Variants in PCDHGA3 observed in about 807,000 individuals in gnomAD.
The protein encoded by PCDHGA3 is protocadherin gamma-A3.
Under a neutral mutation model 58.5 loss-of-function variants are expected in PCDHGA3, and 40 were observed. The observed-to-expected ratio is 0.68, with a 90% CI of 0.53 to 0.89. The LOEUF (loss-of-function observed/expected upper bound fraction) is 0.89, where lower values mean the gene tolerates loss of function less well. Among genes scored for constraint, PCDHGA3 ranks in the 40% least tolerant of loss-of-function variants. PCDHGA3 has a pLI of 0.00. For missense variants in PCDHGA3, 1,223 were observed against 1,195.9 expected, an observed-to-expected ratio of 1.02 and a Z score of -0.33; for synonymous variants, 530 against 525.7, an observed-to-expected ratio of 1.01 and a Z score of -0.11.
chr5:141,360,621 TG>T (rs1307338533), intron 1 of PCDHGA3: 1 of 1,613,908 alleles, frequency 6.2e-7, no homozygotes, highest in Non-Finnish European at 8.5e-7. Flanking sequence ...ATTCAGATGT[TG>T]GTCCTAACTC....
At chr5:141,377,717 T>C (rs1025721438) in intron 1 of PCDHGA3, 1 of 152,222 alleles carries the variant, frequency 6.6e-6, no homozygotes, top group African/African-American at 2.4e-5. Context: ...AAATTATTTT[T>C]GAAAAGATAA....
intron 1 of PCDHGA3, chr5:141,398,688 T>C: frequency 1.2e-6 from 2 of 1,613,938 alleles, no homozygotes; most frequent in South Asian, 2.2e-5. Flanking sequence ...AGAAACAGGA[T>C]GGTAGTAAAT....
rs2099637746 is a variant in PCDHGA3, at chr5:141,486,980, A to G, written c.2425-7827A>G. Reference sequence around the variant, plus strand: ...TGCTGTGGACTTGGATTCAGGTTACAATGCTTGGGTTTCCTATCAGCTCCT... The same window carrying G: ...TGCTGTGGACTTGGATTCAGGTTACGATGCTTGGGTTTCCTATCAGCTCCT... On this transcript the variant is annotated intron_variant, in intron 1 of 3. Coordinates refer to ENST00000253812, the MANE Select transcript of PCDHGA3 (RefSeq NM_018916.4). This position sits in a 1 kb window ranked among gnomAD's most constrained non-coding sequence, Gnocchi z 5.0. The G allele has an allele frequency of 1.2e-6, 2 of 1,614,040 alleles. No individual in the cohort carries two copies. The highest frequency in any genetic ancestry group is 1.3e-5 in the African/African-American group (1 of 74,908).
intron 1 of PCDHGA3, chr5:141,433,023 A>C: frequency 6.2e-7 from 1 of 1,614,084 alleles, no homozygotes; most frequent in East Asian, 2.2e-5. Context: ...ACCTATTCCC[A>C]CGAGGTTTCC....
At chr5:141,452,831 G>A (rs1184490491) in intron 1 of PCDHGA3, among the ~76,000 whole-genome samples, 1 of 152,104 alleles carries the variant, frequency 6.6e-6, no homozygotes, top group Non-Finnish European at 1.5e-5. Flanking sequence ...AAAATCACTT[G>A]GTCCAGCCCA....
At chr5:141,410,006 G>T (rs1201569227) in intron 1 of PCDHGA3, 8 of 1,613,274 alleles carry the variant, frequency 5.0e-6, no homozygotes, top group Non-Finnish European at 5.1e-6. Context: ...GGGACACAAC[G>T]CCTGGCTGTC....
chr5:141,490,132 A>G lies in PCDHGA3; in HGVS notation c.2425-4675A>G, dbSNP rs1245562757. The G allele has an allele frequency of 3.7e-6, 6 of 1,614,102 alleles. No homozygotes were observed. In the African/African-American group the frequency reaches 4.0e-5, roughly 11 times the overall value. ...GCGGAACCTCTTTGGCCTAGACCCTAGCAGTGGGGCAATCCATGTGTTGGG... is the reference window on the plus strand; with the variant it reads ...GCGGAACCTCTTTGGCCTAGACCCTGGCAGTGGGGCAATCCATGTGTTGGG... On this transcript the variant is annotated intron_variant, in intron 1 of 3. Coordinates refer to ENST00000253812, the MANE Select transcript of PCDHGA3 (RefSeq NM_018916.4). The surrounding 1 kb of genome is among the most constrained non-coding windows in gnomAD (Gnocchi z 5.4).
At chr5:141,400,776 G>GT (rs1167512157) in intron 1 of PCDHGA3, 4 of 557,602 alleles carry the variant, frequency 7.2e-6, no homozygotes, top group Non-Finnish European at 1.3e-5. Flanking sequence ...CATTTGGTGC[G>GT]TTTTTTTGTC....
rs1225025591 is a variant in PCDHGA3 at position 141,493,316 on chromosome 5, T to G, written c.2425-1491T>G. Among the ~76,000 whole-genome samples, 2 of 152,198 alleles carry G rather than the reference T, an allele frequency of 1.3e-5. No homozygotes were observed. The highest frequency in any genetic ancestry group is 2.1e-4 in the South Asian group (1 of 4,826). Reference sequence around the variant, plus strand: ...AGTTCACAGAGCAAGTAAGAGAGATTCTAACCCCTGTCTAACTCCAGAATG... The same window carrying G: ...AGTTCACAGAGCAAGTAAGAGAGATGCTAACCCCTGTCTAACTCCAGAATG... On this transcript the variant is annotated intron_variant, in intron 1 of 3. Coordinates refer to ENST00000253812, the MANE Select transcript of PCDHGA3 (RefSeq NM_018916.4). This position sits in a 1 kb window ranked among gnomAD's most constrained non-coding sequence, Gnocchi z 4.3.
intron 1 of PCDHGA3, chr5:141,394,176 G>A: frequency 6.2e-7 from 1 of 1,613,790 alleles, no homozygotes; most frequent in Non-Finnish European, 8.5e-7. Flanking sequence ...TTTCCCTCAT[G>A]CCTCCTACTC....
intron 1 of PCDHGA3, chr5:141,420,083 A>C (rs2096465782): frequency 2.5e-6 from 4 of 1,614,020 alleles, no homozygotes; most frequent in Non-Finnish European, 3.4e-6. Context: ...GGGTCCCCCC[A>C]ACTACAGTGA....
intron 1 of PCDHGA3, among the ~76,000 whole-genome samples, chr5:141,406,372 T>C (rs1010742441): frequency 1.3e-5 from 2 of 152,204 alleles, no homozygotes; most frequent in African/African-American, 4.8e-5. Flanking sequence ...AAGGGTAAAC[T>C]GATAAAAAGG....
chr5:141,390,210 G>T, intron 1 of PCDHGA3: 1 of 1,614,046 alleles, frequency 6.2e-7, no homozygotes, highest in Non-Finnish European at 8.5e-7. Context: ...TTCAGGACAA[G>T]ACATACTTTG....
rs373048330 is a variant in PCDHGA3 at position 141,384,937 on chromosome 5, C to A, written c.2424+38480C>A. On this transcript the variant is annotated intron_variant, in intron 1 of 3. Coordinates refer to ENST00000253812, the MANE Select transcript of PCDHGA3 (RefSeq NM_018916.4). Reference sequence around the variant, plus strand: ...CTTGGCCGACCTGGGCAGCCTTGAGCCCTCCGACGGTCCTTACAACTATGA... The same window carrying A: ...CTTGGCCGACCTGGGCAGCCTTGAGACCTCCGACGGTCCTTACAACTATGA... The A allele has an allele frequency of 1.6e-4, 255 of 1,614,068 alleles. 1 individual carries two copies. The South Asian group carries it at 2.7e-3, about 17-fold the overall frequency.
intron 1 of PCDHGA3, chr5:141,393,707 T>A: frequency 6.2e-7 from 1 of 1,613,882 alleles, no homozygotes; most frequent in African/African-American, 1.3e-5. Flanking sequence ...ATGAAAATAC[T>A]GGGGAAATAT....
chr5:141,390,404 G>T, intron 1 of PCDHGA3: 1 of 1,262,098 alleles, frequency 7.9e-7, no homozygotes. Flanking sequence ...TTTTAGGAAA[G>T]TTGTAGTCAG....
Position 141,346,367 on chromosome 5 carries a change from G to A in PCDHGA3, c.2334G>A (p.Thr778=), listed in dbSNP as rs757139743. ...LIFPQPNYAD[T]LISQESCEKS... ...TCCCCCAGCCCAACTATGCGGACAC[G>A]CTCATCAGCCAGGAGAGCTGTGAGA... is the stretch of plus-strand genomic sequence containing the variant. The change falls in exon 1 of 4, where the codon ACG becomes ACA. Residue 778 remains threonine (T), a synonymous_variant. Coordinates refer to ENST00000253812, the MANE Select transcript of PCDHGA3 (RefSeq NM_018916.4). 119 of 1,614,092 alleles carry A rather than the reference G, an allele frequency of 7.4e-5. 1 individual carries two copies. Among genetic ancestry groups the A allele is most frequent in the Admixed American group, 1.8e-4 (11 of 60,006 alleles).
At chr5:141,394,989 C>T in intron 1 of PCDHGA3, 1 of 1,614,030 alleles carries the variant, frequency 6.2e-7, no homozygotes. Flanking sequence ...ACGCCTGCTC[C>T]AGGATTCCGG....
At chr5:141,385,474 T>G (rs554098554) in intron 1 of PCDHGA3, 33 of 1,436,526 alleles carry the variant, frequency 2.3e-5, no homozygotes, top group Non-Finnish European at 2.7e-5. Context: ...GGTGACACTT[T>G]AATATAGAAC....
Sources: gnomAD v4.1 joint callset for allele counts (sites outside exome capture counted in the v4.1 genomes callset) on GRCh38, gnomAD v4.1.1 for gene constraint, Gnocchi (gnomAD v3.1) non-coding constraint, MANE v1.5 for transcripts, NCBI Gene and HGNC (gene_info 2026-07-23, HGNC 2026-07-21) for gene names.